HNF4A: variants seen among roughly 807,000 people sequenced by gnomAD.
HNF4A encodes hepatocyte nuclear factor 4-alpha.
HNF4A carries 15 observed loss-of-function variants against 52.4 expected under a neutral mutation model. That is an observed-to-expected ratio of 0.29 (90% confidence interval 0.19 to 0.44). The LOEUF (loss-of-function observed/expected upper bound fraction) is 0.44, where lower values mean the gene tolerates loss of function less well. Ranked by LOEUF, HNF4A falls within the 20% of genes least tolerant of loss-of-function variation. HNF4A has a pLI of 1.00. For synonymous variants in HNF4A, 280 were observed against 264.4 expected (o/e 1.06, Z -0.57); for missense variants, 479 against 647.2 (o/e 0.74, Z 2.82).
At chr20:44,392,266 C>T (rs534635960) in intron 1 of HNF4A, among the ~76,000 whole-genome samples, 21 of 152,280 alleles carry the variant, frequency 1.4e-4, no homozygotes, top group Admixed American at 2.6e-4. Context: ...TGTGAGGAAA[C>T]GATCATCATT....
intron 5 of HNF4A, among the ~76,000 whole-genome samples, chr20:44,415,732 C>A (rs2063654677): frequency 6.6e-6 from 1 of 152,200 alleles, no homozygotes; most frequent in Admixed American, 6.5e-5. Flanking sequence ...CGGCAAGATT[C>A]TCCTGGAACA....
chr20:44,358,955 C>T (rs571809049), intron 1 of HNF4A, among the ~76,000 whole-genome samples: 114 of 152,102 alleles, frequency 7.5e-4, no homozygotes, highest in Admixed American at 3.1e-3. Context: ...CCTGGACTTC[C>T]GGTGCTTCCA....
chr20:44,359,344 C>A (rs1264234473), intron 1 of HNF4A, among the ~76,000 whole-genome samples: 1 of 152,194 alleles, frequency 6.6e-6, no homozygotes. Flanking sequence ...TCTGCACTTA[C>A]GTGTCTGAAG....
intron 1 of HNF4A, among the ~76,000 whole-genome samples, chr20:44,364,277 A>G (rs1010484648): frequency 1.6e-4 from 25 of 152,022 alleles, no homozygotes; most frequent in African/African-American, 6.0e-4. Context: ...CCTGGGCTCA[A>G]GCAATCCTCC....
chr20:44,415,312 T>C (rs1468676416), intron 5 of HNF4A, among the ~76,000 whole-genome samples: 1 of 152,206 alleles, frequency 6.6e-6, no homozygotes, highest in East Asian at 1.9e-4. Context: ...TTCTTCCTTG[T>C]TTCCCACCAA....
chr20:44,391,278 G>A (rs2063298926), intron 1 of HNF4A, among the ~76,000 whole-genome samples: 3 of 152,092 alleles, frequency 2.0e-5, no homozygotes, highest in African/African-American at 4.8e-5. Context: ...CAGTGCTGAC[G>A]GGCACAGCCA....
At chr20:44,378,920 A>T (rs1396845558) in intron 1 of HNF4A, among the ~76,000 whole-genome samples, 1 of 9,572 alleles carries the variant, frequency 1.0e-4, no homozygotes. Context: ...CCCCGTCTCA[A>T]AAAAAAAAAA....
chr20:44,366,292 C>T (rs548320278), intron 1 of HNF4A, among the ~76,000 whole-genome samples: 1 of 152,180 alleles, frequency 6.6e-6, no homozygotes, highest in South Asian at 2.1e-4. Flanking sequence ...AGAGTACTTA[C>T]TAGGGTTTTA....
rs778724028 is a variant in HNF4A at position 44,374,997 on chromosome 20, C to T, written c.49+19144C>T. On this transcript the variant is annotated intron_variant, in intron 1 of 9. Transcript: ENST00000316673. ...TCCCTTTTTTCCACAGCCTTGCCAA[C>T]ATCTGTTATTTTTTTGACTTTTTAA... is the stretch of plus-strand genomic sequence containing the variant. 4.6e-5 allele frequency among the ~76,000 whole-genome samples: 7 copies of T among 152,134 alleles called. No homozygotes were observed. The East Asian group carries it at 1.3e-3, about 29-fold the overall frequency.
rs377103999 is a variant in HNF4A at position 44,401,441 on chromosome 20, C to T, written c.69C>T (p.Tyr23=). 9.9e-6 allele frequency: 16 copies of T among 1,614,120 alleles called. No individual in the cohort carries two copies. Among genetic ancestry groups the T allele is most frequent in the African/African-American group, 1.3e-5 (1 of 74,940 alleles). The change falls in exon 1 of 10, where the codon TAC becomes TAT. Residue 23 remains tyrosine (Y), a synonymous_variant. Transcript: ENST00000316099. ...ACAGTGCTGCACTGGACCCAGCCTA[C>T]ACCACCCTGGAATTTGAGAATGTGC...
intron 1 of HNF4A, among the ~76,000 whole-genome samples, chr20:44,405,096 G>GGA (rs1321988450): frequency 0.013 from 142 of 10,978 alleles, no homozygotes; most frequent in African/African-American, 0.038. Flanking sequence ...GCGTGTGTGT[G>GGA]CTTGTGCGTA....
At chr20:44,399,488 AG>A (rs933236321), upstream of HNF4A, among the ~76,000 whole-genome samples, 1 of 152,100 alleles carries the variant, frequency 6.6e-6, no homozygotes, top group Non-Finnish European at 1.5e-5. Context: ...TCAGCTTCAG[AG>A]GTCAGATCAA....
intron 3 of HNF4A, among the ~76,000 whole-genome samples, chr20:44,411,440 C>T (rs1482833166): frequency 6.6e-6 from 1 of 152,098 alleles, no homozygotes; most frequent in African/African-American, 2.4e-5. Context: ...TCCGCAGCTG[C>T]TGACAGCAGC....
intron 1 of HNF4A, among the ~76,000 whole-genome samples, chr20:44,379,987 C>T (rs977266053): frequency 6.6e-6 from 1 of 152,174 alleles, no homozygotes; most frequent in Non-Finnish European, 1.5e-5. Flanking sequence ...CCGCCTTGGC[C>T]TCCCAAAGTG....
intron 9 of HNF4A, among the ~76,000 whole-genome samples, chr20:44,428,978 T>C (rs2063844128): frequency 6.6e-6 from 1 of 152,222 alleles, no homozygotes; most frequent in African/African-American, 2.4e-5. Context: ...TGAGATAAGA[T>C]GATATTTTAC....
upstream of HNF4A, among the ~76,000 whole-genome samples, chr20:44,398,809 C>A (rs1353857398): frequency 1.3e-5 from 2 of 152,156 alleles, no homozygotes; most frequent in Non-Finnish European, 2.9e-5. Flanking sequence ...TGATCGTAGA[C>A]CTTATTTAAT....
chr20:44,402,633 C>G lies in HNF4A; in HGVS notation c.115+1146C>G. ...AGCATATCTGGAGGGGTGGACAGTT[C>G]TCCACAGGGAGGTAGGGGAAAAGAG... On this transcript the variant is annotated intron_variant, in intron 1 of 9. Transcript: ENST00000316099. 2.9e-6 allele frequency: 4 copies of G among 1,362,648 alleles called. No homozygotes were observed. In the South Asian group the frequency reaches 3.4e-5, roughly 12 times the overall value. 84.4% of individuals were successfully genotyped at this position (1,362,648 alleles called of 1,614,324 possible).
intron 2 of HNF4A, among the ~76,000 whole-genome samples, chr20:44,406,953 G>T (rs1352472062): frequency 6.6e-6 from 1 of 152,140 alleles, no homozygotes; most frequent in African/African-American, 2.4e-5. Flanking sequence ...CATCACCACG[G>T]TGTGGCACTG....
intron 7 of HNF4A, 131 bp from the exon 8 acceptor site, chr20:44,423,887 C>CCCTGAAT: frequency 1.3e-6 from 1 of 793,022 alleles, no homozygotes; most frequent in Non-Finnish European, 2.1e-6. Context: ...TTGTTGAGGT[C>CCCTGAAT]CCTGAATCCT....
Sources: allele counts gnomAD v4.1 joint callset (sites outside exome capture counted in the v4.1 genomes callset), GRCh38; gene constraint gnomAD v4.1.1; transcripts MANE v1.5; gene names NCBI Gene and HGNC (gene_info 2026-07-23, HGNC 2026-07-21).